ADAMTS9: variants seen among roughly 807,000 people sequenced by gnomAD.
The protein encoded by ADAMTS9 is ADAM metallopeptidase with thrombospondin type 1 motif 9.
ADAMTS9 carries 107 observed loss-of-function variants against 257.1 expected under a neutral mutation model. The ratio of observed to expected loss-of-function variants is 0.42; its 90% CI spans 0.36 to 0.49. The LOEUF is 0.49. Ranked by LOEUF, ADAMTS9 falls within the 20% of genes least tolerant of loss-of-function variation. ADAMTS9 has a pLI of 0.03. For missense variants in ADAMTS9, 2,353 were observed against 2,469.1 expected, an observed-to-expected ratio of 0.95 and a Z score of 1.00; for synonymous variants, 982 against 880.9, an observed-to-expected ratio of 1.11 and a Z score of -2.03.
intron 39 of ADAMTS9, among the ~76,000 whole-genome samples, chr3:64,519,281 T>A (rs1038858645): frequency 2.0e-5 from 3 of 152,164 alleles, no homozygotes; most frequent in African/African-American, 7.2e-5. Context: ...TTCTCTGTAT[T>A]AAAGTTACAG....
At chr3:64,571,687 A>G (rs1462157164) in intron 28 of ADAMTS9, among the ~76,000 whole-genome samples, 3 of 152,184 alleles carry the variant, frequency 2.0e-5, no homozygotes, top group Non-Finnish European at 4.4e-5. Flanking sequence ...GCAATTAGGA[A>G]ATTCTCAAGG....
At chr3:64,613,853 T>C (rs1211763834) in intron 21 of ADAMTS9, among the ~76,000 whole-genome samples, 1 of 152,148 alleles carries the variant, frequency 6.6e-6, no homozygotes, top group Admixed American at 6.5e-5. Flanking sequence ...ATATAACCAG[T>C]CACAAGATCT....
chr3:64,578,337 G>A (rs1475081735), intron 28 of ADAMTS9, among the ~76,000 whole-genome samples: 2 of 151,484 alleles, frequency 1.3e-5, no homozygotes, highest in Non-Finnish European at 2.9e-5. Context: ...GACGGGATGA[G>A]CAGTAATAAC....
chr3:64,553,103 T>C (rs1266335223), intron 30 of ADAMTS9, among the ~76,000 whole-genome samples: 1 of 152,138 alleles, frequency 6.6e-6, no homozygotes, highest in Admixed American at 6.5e-5. Flanking sequence ...TAGAATTCAG[T>C]GGCCTTTAGG....
chr3:64,663,853 AT>A (rs1188366144), intron 3 of ADAMTS9, among the ~76,000 whole-genome samples: 1 of 152,144 alleles, frequency 6.6e-6, no homozygotes. Context: ...TTAGAATGAT[AT>A]TTATTCACCT....
intron 3 of ADAMTS9, among the ~76,000 whole-genome samples, chr3:64,678,110 C>T (rs1440710158): frequency 6.6e-6 from 1 of 152,224 alleles, no homozygotes; most frequent in South Asian, 2.1e-4. Flanking sequence ...AAGGGTTACA[C>T]TGAGCTCAGC....
chr3:64,561,904 C>G (rs143448269), intron 29 of ADAMTS9, 153 bp from the exon 30 acceptor site: 2 of 666,640 alleles, frequency 3.0e-6, no homozygotes, highest in African/African-American at 3.6e-5. Flanking sequence ...GAAAGGGATC[C>G]TAGATCATGT....
chr3:64,604,839 C>A (rs2084529783), intron 23 of ADAMTS9, among the ~76,000 whole-genome samples: 1 of 152,208 alleles, frequency 6.6e-6, no homozygotes, highest in Non-Finnish European at 1.5e-5. Flanking sequence ...TGGCCAATGC[C>A]TGGACTTCAT....
chr3:64,640,459 C>T (rs1448499354), intron 12 of ADAMTS9, among the ~76,000 whole-genome samples: 1 of 152,174 alleles, frequency 6.6e-6, no homozygotes, highest in Non-Finnish European at 1.5e-5. Context: ...TATTGTATTA[C>T]CCCAGCCTAC....
At chr3:64,684,704 C>T (rs1244381827) in intron 2 of ADAMTS9, among the ~76,000 whole-genome samples, 3 of 152,160 alleles carry the variant, frequency 2.0e-5, no homozygotes, top group Non-Finnish European at 2.9e-5. Flanking sequence ...GTAGTCGTTT[C>T]TGAAGCCCTA....
chr3:64,542,585 G>A (rs1023854256), intron 32 of ADAMTS9, among the ~76,000 whole-genome samples: 17 of 151,952 alleles, frequency 1.1e-4, no homozygotes, highest in Non-Finnish European at 1.3e-4. Context: ...GCACCACCTC[G>A]CCCAACAAAT....
At chr3:64,646,207 G>T (rs1700782854) in intron 11 of ADAMTS9, among the ~76,000 whole-genome samples, 1 of 152,138 alleles carries the variant, frequency 6.6e-6, no homozygotes, top group Admixed American at 6.5e-5. Flanking sequence ...AATATAATGG[G>T]CTGGTTCTAA....
chr3:64,569,716 T>C (rs2083631937), intron 28 of ADAMTS9, among the ~76,000 whole-genome samples: 1 of 152,232 alleles, frequency 6.6e-6, no homozygotes. Context: ...TAGTTGCTCA[T>C]AGAGAAATGT....
At chr3:64,548,579 TC>T in intron 31 of ADAMTS9, among the ~76,000 whole-genome samples, 1 of 127,180 alleles carries the variant, frequency 7.9e-6, no homozygotes, top group Non-Finnish European at 1.8e-5. Context: ...GCAAAAGTCG[TC>T]CCCTGGCTAT....
chr3:64,568,449 A>T lies in ADAMTS9; in HGVS notation c.4443T>A (p.Cys1481Ter). 1 of 1,614,152 alleles carries T rather than the reference A, an allele frequency of 6.2e-7. No individual in the cohort carries two copies. The highest frequency in any genetic ancestry group is 1.3e-5 in the African/African-American group (1 of 75,048). ...KDGSHLESDY[C>*]KHLAKPHGHR... ...GCCCATGTGGCTTAGCCAGGTGCTT[A>T]CAGTAATCACTTTCTAAATGGCTTC... is the stretch of plus-strand genomic sequence containing the variant. Residue 1481 changes from cysteine (C) to a stop codon, truncating the protein, a stop_gained, in exon 29 of 40, where the codon TGT becomes TGA. Coordinates refer to ENST00000498707, the MANE Select transcript of ADAMTS9 (RefSeq NM_182920.2). LOFTEE classifies it high-confidence loss of function.
intron 23 of ADAMTS9, among the ~76,000 whole-genome samples, chr3:64,605,059 T>A (rs1316509680): frequency 2.0e-5 from 3 of 152,222 alleles, no homozygotes; most frequent in Non-Finnish European, 2.9e-5. Flanking sequence ...TGCTGAGGCT[T>A]GGTGTCACAT....
intron 25 of ADAMTS9, 140 bp from the exon 26 acceptor site, chr3:64,602,353 C>A: frequency 1.1e-6 from 1 of 872,038 alleles, no homozygotes; most frequent in East Asian, 2.6e-5. Flanking sequence ...CTTGTCTCCT[C>A]TTTTTTTCCC....
In ADAMTS9 at chr3:64,550,895, T is replaced by C; in HGVS notation, c.4866A>G (p.Ser1622=). 2 of 1,614,150 alleles carry C rather than the reference T, an allele frequency of 1.2e-6. No individual in the cohort carries two copies. Among genetic ancestry groups the C allele is most frequent in the East Asian group, 2.2e-5 (1 of 44,846 alleles). The stretch of plus-strand genomic sequence containing the variant: ...GTTACAGTTCCCAGGACGGTACCTC[T>C]GACCATTCTCCTGTGATCCAGACAT... The part of the protein sequence containing the change: ...CEYVWITGEW[S]ECSVTCGKGY... The change falls in exon 31 of 40, where the codon TCA becomes TCG. Residue 1622 remains serine, a synonymous_variant. Coordinates refer to ENST00000498707, the MANE Select transcript of ADAMTS9 (RefSeq NM_182920.2).
intron 28 of ADAMTS9, among the ~76,000 whole-genome samples, chr3:64,570,908 G>A (rs950963498): frequency 1.3e-5 from 2 of 152,004 alleles, no homozygotes; most frequent in African/African-American, 2.4e-5. Flanking sequence ...TAGGAAATGA[G>A]TTGAACTTAA....
Sources: gnomAD v4.1 joint callset for allele counts (sites outside exome capture counted in the v4.1 genomes callset) on GRCh38, gnomAD v4.1.1 for gene constraint, MANE v1.5 for transcripts, NCBI Gene and HGNC (gene_info 2026-07-23, HGNC 2026-07-21) for gene names.